Variants in SPIDR observed in about 807,000 individuals in gnomAD.
SPIDR encodes the protein DNA repair-scaffolding protein.
Under a neutral mutation model 104.6 loss-of-function variants are expected in SPIDR, and 93 were observed. The observed-to-expected ratio is 0.89, with a 90% CI of 0.75 to 1.06. SPIDR has a LOEUF of 1.06. Ranked by LOEUF, SPIDR falls within the 50% of genes least tolerant of loss-of-function variation. The probability of loss-of-function intolerance (pLI) is 0.00; values close to 1 mark genes in which losing one functional copy is unlikely to be tolerated. For missense variants in SPIDR, 1,154 were observed against 1,111.2 expected (o/e 1.04, Z -0.55); for synonymous variants, 431 against 416.9 (o/e 1.03, Z -0.41).
intron 14 of SPIDR, among the ~76,000 whole-genome samples, chr8:47,704,166 TAG>T (rs1424804492): frequency 7.2e-5 from 11 of 152,254 alleles, no homozygotes; most frequent in African/African-American, 2.7e-4. Flanking sequence ...TGCCAGCACA[TAG>T]AGTCTTGCCC....
chr8:47,458,375 A>ATTTTGTTTTT, intron 8 of SPIDR, among the ~76,000 whole-genome samples: 1 of 147,694 alleles, frequency 6.8e-6, no homozygotes, highest in African/African-American at 2.5e-5. Flanking sequence ...ATTTTATTTT[A>ATTTTGTTTTT]TTTTATTTTA....
chr8:47,417,273 T>C (rs1481742397), intron 7 of SPIDR, among the ~76,000 whole-genome samples: 6 of 152,160 alleles, frequency 3.9e-5, no homozygotes, highest in African/African-American at 9.6e-5. Flanking sequence ...TTTCTTCACA[T>C]CCTCTCCAGC....
intron 1 of SPIDR, among the ~76,000 whole-genome samples, chr8:47,275,216 G>A (rs1178870505): frequency 1.3e-5 from 2 of 151,358 alleles, no homozygotes; most frequent in Non-Finnish European, 2.9e-5. Context: ...CCCAGATTGC[G>A]CCACTGCACT....
intron 16 of SPIDR, among the ~76,000 whole-genome samples, chr8:47,722,343 T>G (rs2083522276): frequency 6.6e-6 from 1 of 152,126 alleles, no homozygotes; most frequent in African/African-American, 2.4e-5. Flanking sequence ...TCTCAATCTG[T>G]GTATCTTTTA....
intron 3 of SPIDR, among the ~76,000 whole-genome samples, chr8:47,286,448 TC>T (rs2038868135): frequency 1.3e-5 from 2 of 152,176 alleles, no homozygotes; most frequent in South Asian, 2.1e-4. Context: ...GTGGCATACG[TC>T]TGTAGTCCCA....
At chr8:47,368,650 T>C (rs2057575704) in intron 5 of SPIDR, among the ~76,000 whole-genome samples, 1 of 152,122 alleles carries the variant, frequency 6.6e-6, no homozygotes, top group Non-Finnish European at 1.5e-5. Flanking sequence ...GAAAAGAAGA[T>C]CATGTGTGAT....
intron 5 of SPIDR, among the ~76,000 whole-genome samples, chr8:47,346,931 G>GTTT (rs781876591): frequency 6.6e-6 from 1 of 151,930 alleles, no homozygotes; most frequent in South Asian, 2.1e-4. Context: ...TTTTTGAAGG[G>GTTT]TTTTTTTGTG....
At chr8:47,700,848 G>A (rs1027754171) in intron 12 of SPIDR, among the ~76,000 whole-genome samples, 3 of 152,178 alleles carry the variant, frequency 2.0e-5, no homozygotes, top group Non-Finnish European at 1.5e-5. Flanking sequence ...GTCATTCATA[G>A]AACCAACACT....
At chr8:47,323,669 A>G (rs572155766) in intron 5 of SPIDR, among the ~76,000 whole-genome samples, 4 of 152,204 alleles carry the variant, frequency 2.6e-5, no homozygotes, top group Non-Finnish European at 4.4e-5. Context: ...TGCTTTGAAG[A>G]TTGGTGAGTC....
intron 8 of SPIDR, among the ~76,000 whole-genome samples, chr8:47,489,698 C>G (rs1287057766): frequency 2.6e-5 from 4 of 152,190 alleles, no homozygotes; most frequent in African/African-American, 9.7e-5. Context: ...AATAATACCA[C>G]ACATCTACAA....
intron 5 of SPIDR, among the ~76,000 whole-genome samples, chr8:47,365,200 C>A (rs2056954901): frequency 6.6e-6 from 1 of 152,192 alleles, no homozygotes; most frequent in Non-Finnish European, 1.5e-5. Flanking sequence ...TATTCCTGGA[C>A]TTGCAGAGAG....
At chr8:47,302,973 T>C (rs976631344) in intron 5 of SPIDR, among the ~76,000 whole-genome samples, 1 of 152,238 alleles carries the variant, frequency 6.6e-6, no homozygotes, top group Non-Finnish European at 1.5e-5. Context: ...TCTTCAAAGC[T>C]GTCAGACAGG....
At chr8:47,514,887 A>G (rs1333310332) in intron 8 of SPIDR, among the ~76,000 whole-genome samples, 5 of 151,290 alleles carry the variant, frequency 3.3e-5, no homozygotes, top group African/African-American at 1.2e-4. Context: ...TTTCAAAGAC[A>G]TTCATTCTAC....
At chr8:47,311,440 TGAA>T (rs2044133508) in intron 5 of SPIDR, among the ~76,000 whole-genome samples, 1 of 152,144 alleles carries the variant, frequency 6.6e-6, no homozygotes, top group South Asian at 2.1e-4. Context: ...ATTTACATGT[TGAA>T]GAAGTTCAGT....
intron 10 of SPIDR, among the ~76,000 whole-genome samples, chr8:47,637,471 G>A (rs1417734739): frequency 6.6e-6 from 1 of 152,144 alleles, no homozygotes; most frequent in Non-Finnish European, 1.5e-5. Context: ...TCGGGAGGCT[G>A]AGGTGGGAGA....
chr8:47,689,496 T>G (rs1194793572), intron 11 of SPIDR, among the ~76,000 whole-genome samples: 1 of 152,212 alleles, frequency 6.6e-6, no homozygotes, highest in Non-Finnish European at 1.5e-5. Flanking sequence ...ATGAGGAGCT[T>G]GAAGCTCATC....
chr8:47,481,012 G>T (rs1218586106), intron 8 of SPIDR, among the ~76,000 whole-genome samples: 1 of 152,244 alleles, frequency 6.6e-6, no homozygotes, highest in Non-Finnish European at 1.5e-5. Context: ...AAAGCCAGCT[G>T]CCATGATGAG....
At chr8:47,593,262 A>G (rs1369522895) in intron 8 of SPIDR, among the ~76,000 whole-genome samples, 1 of 151,402 alleles carries the variant, frequency 6.6e-6, no homozygotes, top group Non-Finnish European at 1.5e-5. Context: ...TTTATCTTCG[A>G]CTTTATTGAT....
intron 7 of SPIDR, among the ~76,000 whole-genome samples, chr8:47,422,284 T>A (rs1234587510): frequency 2.6e-5 from 4 of 152,140 alleles, no homozygotes; most frequent in African/African-American, 9.7e-5. Flanking sequence ...GCTGCTTTGT[T>A]TACCTACTCA....
Sources: gnomAD v4.1 joint callset for allele counts (sites outside exome capture counted in the v4.1 genomes callset) on GRCh38, gnomAD v4.1.1 for gene constraint, MANE v1.5 for transcripts, NCBI Gene and HGNC (gene_info 2026-07-23, HGNC 2026-07-21) for gene names.